CRACDL: variants seen among roughly 807,000 people sequenced by gnomAD.
CRACDL encodes the protein CRACD like.
In CRACDL, 26 loss-of-function variants were observed where a neutral mutation model predicts 70.6. That is an observed-to-expected ratio of 0.37 (90% CI 0.27 to 0.51). The LOEUF is 0.51. CRACDL is among the 20% of genes least tolerant of loss of function. The pLI is 0.94. For synonymous variants in CRACDL, 618 were observed against 615.2 expected (o/e 1.00, Z -0.07); for missense variants, 1,283 against 1,376.9 (o/e 0.93, Z 1.08).
intron 1 of CRACDL, among the ~76,000 whole-genome samples, chr2:98,904,339 C>A (rs1708353795): frequency 6.6e-6 from 1 of 152,224 alleles, no homozygotes; most frequent in South Asian, 2.1e-4. Flanking sequence ...CCCAGCCACA[C>A]ACCCCATCAT....
intron 1 of CRACDL, among the ~76,000 whole-genome samples, chr2:98,915,204 C>T (rs1241514520): frequency 6.6e-6 from 1 of 152,216 alleles, no homozygotes; most frequent in African/African-American, 2.4e-5. Flanking sequence ...CCTGAGGAGA[C>T]TCAGGCTCAG....
chr2:98,913,342 A>T (rs961599979), intron 1 of CRACDL, among the ~76,000 whole-genome samples: 4 of 152,154 alleles, frequency 2.6e-5, no homozygotes, highest in Admixed American at 6.5e-5. Context: ...GGGGGGTGGG[A>T]AGGGAAGAGA....
chr2:98,825,649 G>C (rs1705271821), intron 6 of CRACDL, among the ~76,000 whole-genome samples: 1 of 152,202 alleles, frequency 6.6e-6, no homozygotes, highest in Non-Finnish European at 1.5e-5. Context: ...ACGAGTACAG[G>C]CAGGTCTTGA....
At chr2:98,885,420 T>C (rs1026604231) in intron 1 of CRACDL, among the ~76,000 whole-genome samples, 2 of 152,138 alleles carry the variant, frequency 1.3e-5, no homozygotes, top group African/African-American at 4.8e-5. Context: ...GTAAAATACA[T>C]AGCAACTGCA....
intron 1 of CRACDL, among the ~76,000 whole-genome samples, chr2:98,876,749 A>G (rs979860454): frequency 2.0e-5 from 3 of 152,200 alleles, no homozygotes; most frequent in African/African-American, 7.2e-5. Flanking sequence ...CAAGTTGTTG[A>G]AATCTCAGGA....
chr2:98,812,302 T>C (rs1468587252), intron 7 of CRACDL, among the ~76,000 whole-genome samples: 3 of 152,182 alleles, frequency 2.0e-5, no homozygotes, highest in African/African-American at 7.2e-5. Flanking sequence ...AATAATGCTG[T>C]TGTAGACATG....
chr2:98,899,753 C>T (rs1041588207), intron 1 of CRACDL, among the ~76,000 whole-genome samples: 5 of 151,840 alleles, frequency 3.3e-5, no homozygotes, highest in African/African-American at 1.2e-4. Context: ...AGTCTTAGCT[C>T]AGTGGGGAAG....
chr2:98,910,447 G>C (rs1447983983), intron 1 of CRACDL, among the ~76,000 whole-genome samples: 2 of 151,912 alleles, frequency 1.3e-5, no homozygotes, highest in African/African-American at 2.4e-5. Flanking sequence ...CTTGAACCTG[G>C]GAGGTGGAGG....
intron 1 of CRACDL, among the ~76,000 whole-genome samples, chr2:98,898,802 A>G (rs1708194232): frequency 6.6e-6 from 1 of 152,258 alleles, no homozygotes; most frequent in Non-Finnish European, 1.5e-5. Context: ...AGCAGCATAA[A>G]GGCTGACCTG....
At chr2:98,877,854 A>C (rs1707527319) in intron 1 of CRACDL, among the ~76,000 whole-genome samples, 1 of 151,834 alleles carries the variant, frequency 6.6e-6, no homozygotes, top group Non-Finnish European at 1.5e-5. Context: ...TTTCATATTC[A>C]CTCACTACTC....
At chr2:98,868,710 C>T (rs1461079545) in intron 1 of CRACDL, among the ~76,000 whole-genome samples, 1 of 152,156 alleles carries the variant, frequency 6.6e-6, no homozygotes, top group East Asian at 1.9e-4. Context: ...TGCTGCCTTC[C>T]CTTCACTCAA....
intron 1 of CRACDL, among the ~76,000 whole-genome samples, chr2:98,910,075 T>C (rs1708510565): frequency 6.6e-6 from 1 of 152,168 alleles, no homozygotes. Context: ...CTCGGAAGGA[T>C]GGCTCTGTCT....
At chr2:98,802,692 T>C (rs1356106401) in intron 7 of CRACDL, among the ~76,000 whole-genome samples, 1 of 152,180 alleles carries the variant, frequency 6.6e-6, no homozygotes, top group Non-Finnish European at 1.5e-5. Flanking sequence ...CTATGACGAG[T>C]TGAGGGGCCC....
chr2:98,911,232 G>A (rs1369161642), intron 1 of CRACDL, among the ~76,000 whole-genome samples: 3 of 152,312 alleles, frequency 2.0e-5, no homozygotes, highest in South Asian at 2.1e-4. Flanking sequence ...CATAGTGGAC[G>A]GGGGCTCAAG....
chr2:98,794,748 C>A, intron 9 of CRACDL, 77 bp from the exon 10 acceptor site: 2 of 1,267,030 alleles, frequency 1.6e-6, no homozygotes, highest in Non-Finnish European at 2.3e-6. Context: ...TTGTGTTTCT[C>A]GAACTAGACA....
intron 1 of CRACDL, among the ~76,000 whole-genome samples, chr2:98,898,007 C>G (rs570290195): frequency 2.4e-4 from 37 of 152,182 alleles, no homozygotes; most frequent in Admixed American, 5.9e-4. Flanking sequence ...GGTCAAGGAG[C>G]CTCAATGCAG....
At chr2:98,899,186 C>T (rs1708203151) in intron 1 of CRACDL, among the ~76,000 whole-genome samples, 2 of 152,222 alleles carry the variant, frequency 1.3e-5, no homozygotes, top group South Asian at 4.1e-4. Flanking sequence ...AGACCATTCC[C>T]CAGACTCCAG....
intron 1 of CRACDL, among the ~76,000 whole-genome samples, chr2:98,924,530 A>G (rs183030932): frequency 4.6e-5 from 7 of 152,342 alleles, no homozygotes; most frequent in African/African-American, 1.7e-4. Flanking sequence ...CCCTCTGCTC[A>G]GCTTTTATTC....
intron 1 of CRACDL, among the ~76,000 whole-genome samples, chr2:98,860,078 T>C (rs112730921): frequency 7.3e-5 from 11 of 151,562 alleles, no homozygotes; most frequent in African/African-American, 2.4e-4. Context: ...AAGAACAAAA[T>C]AGGAGTAAGT....
Sources: gnomAD v4.1 joint callset for allele counts (sites outside exome capture counted in the v4.1 genomes callset) on GRCh38, gnomAD v4.1.1 for gene constraint, MANE v1.5 for transcripts, NCBI Gene and HGNC (gene_info 2026-07-23, HGNC 2026-07-21) for gene names.